Variants in SERAC1 observed in about 807,000 individuals in gnomAD.
SERAC1 encodes the protein serine active site containing 1, also known as protein SERAC1.
A neutral mutation model predicts 85.7 loss-of-function variants in SERAC1; 36 were observed. The observed-to-expected ratio is 0.42, with a 90% CI of 0.32 to 0.55. The LOEUF is 0.55. Ranked by LOEUF, SERAC1 falls within the 20% of genes least tolerant of loss-of-function variation. The pLI is 0.11. For synonymous variants in SERAC1, 242 were observed against 265.3 expected (o/e 0.91, Z 0.85); for missense variants, 629 against 796.2 (o/e 0.79, Z 2.53).
intron 3 of SERAC1, among the ~76,000 whole-genome samples, chr6:158,153,998 T>C (rs200962900): frequency 7.0e-6 from 1 of 142,802 alleles, no homozygotes; most frequent in African/African-American, 2.5e-5. Flanking sequence ...ATAATAATAA[T>C]AACAATAATA....
At chr6:158,147,753 G>C (rs983725583) in intron 5 of SERAC1, among the ~76,000 whole-genome samples, 7 of 114,500 alleles carry the variant, frequency 6.1e-5, no homozygotes, top group African/African-American at 1.1e-4. Context: ...CTGGGTGACA[G>C]AGAAGGCTCT....
Position 158,120,284 on chromosome 6 carries a change from G to A in SERAC1, c.1166+141C>T. On this transcript the variant is annotated intron_variant, in intron 11 of 16. Coordinates refer to ENST00000647468, the MANE Select transcript of SERAC1 (RefSeq NM_032861.4). The surrounding 1 kb of genome is among the most constrained non-coding windows in gnomAD (Gnocchi z 4.4). Reference sequence around the variant, plus strand: ...CTCCAATTCTTTTGTGGTTACTATAGACAAATTATTTTAGTAAATAAGATA... The same window carrying A: ...CTCCAATTCTTTTGTGGTTACTATAAACAAATTATTTTAGTAAATAAGATA... 4 of 887,744 alleles carry A rather than the reference G, an allele frequency of 4.5e-6. No individual in the cohort carries two copies. Among genetic ancestry groups the A allele is most frequent in the Non-Finnish European group, 6.5e-6 (4 of 619,906 alleles). 55.0% of individuals were successfully genotyped at this position (887,744 alleles called of 1,614,324 possible). A position where few individuals can be genotyped will look rare whatever the true frequency, so the allele number is the denominator to read the frequency against.
intron 2 of SERAC1, 90 bp downstream of exon 2, chr6:158,158,183 T>G (rs991028078): frequency 6.7e-6 from 6 of 894,416 alleles, no homozygotes; most frequent in Admixed American, 2.3e-5. Context: ...TAATCATGGG[T>G]TCAAAAAGTT....
chr6:158,126,390 G>A (rs879324875), intron 10 of SERAC1, among the ~76,000 whole-genome samples: 12 of 145,180 alleles, frequency 8.3e-5, no homozygotes, highest in Non-Finnish European at 1.2e-4. Flanking sequence ...ATTAGTCAAA[G>A]CTGGAACAAT....
intron 8 of SERAC1, among the ~76,000 whole-genome samples, chr6:158,140,773 G>C (rs1053606026): frequency 1.3e-5 from 2 of 152,274 alleles, no homozygotes; most frequent in African/African-American, 4.8e-5. Flanking sequence ...AGAGATGTCA[G>C]AACTGAACTA....
chr6:158,113,617 T>G (rs189827481), intron 15 of SERAC1, 25 bp from the exon 16 acceptor site: 257 of 1,571,734 alleles, frequency 1.6e-4, no homozygotes, highest in Non-Finnish European at 2.1e-4. Context: ...AGAACAAGAC[T>G]GTGACAAGTT....
intron 14 of SERAC1, among the ~76,000 whole-genome samples, chr6:158,115,311 C>T (rs1784259150): frequency 6.6e-6 from 1 of 152,220 alleles, no homozygotes; most frequent in Non-Finnish European, 1.5e-5. Flanking sequence ...GCTGGTCTCT[C>T]AGCCTGCTAT....
intron 8 of SERAC1, among the ~76,000 whole-genome samples, chr6:158,131,373 C>A (rs12180435): frequency 6.9e-6 from 1 of 144,118 alleles, no homozygotes. Flanking sequence ...ATATTTATAT[C>A]TATATATTAT....
intron 10 of SERAC1, among the ~76,000 whole-genome samples, chr6:158,123,519 A>AC (rs1238042426): frequency 6.6e-6 from 1 of 152,244 alleles, no homozygotes; most frequent in Non-Finnish European, 1.5e-5. Flanking sequence ...GGTTTAAGGA[A>AC]CACGTAGAAG....
Position 158,117,201 on chromosome 6 carries a change from G to A in SERAC1, c.1403+526C>T. ...TTTAGACCAACTCTGTCAATCTGTA[G>A]ACAAAGCTTCCCGGAAAAGTTAACT... On this transcript the variant is annotated intron_variant, in intron 13 of 16. Transcript: ENST00000647468. This position sits in a 1 kb window ranked among gnomAD's most constrained non-coding sequence, Gnocchi z 4.3. The A allele has an allele frequency of 7.3e-6, 2 of 273,706 alleles. No individual in the cohort carries two copies. The highest frequency in any genetic ancestry group is 1.4e-5 in the Non-Finnish European group (2 of 144,798). The allele number at this position is 273,706 out of a possible 1,614,324, so 17.0% of individuals were successfully genotyped here. A position where few individuals can be genotyped will look rare whatever the true frequency, so the allele number is the denominator to read the frequency against.
intron 6 of SERAC1, among the ~76,000 whole-genome samples, chr6:158,144,705 T>C (rs1377175555): frequency 6.6e-6 from 1 of 152,236 alleles, no homozygotes; most frequent in Non-Finnish European, 1.5e-5. Context: ...AGAACCAATT[T>C]AACTTCTTTT....
intron 10 of SERAC1, among the ~76,000 whole-genome samples, chr6:158,124,147 A>AT (rs199648329): frequency 0.019 from 2,929 of 151,300 alleles, 54 homozygotes; most frequent in Non-Finnish European, 0.03. Flanking sequence ...GAGAAGAGTC[A>AT]TTTTTTTTTC....
rs140726301 is a variant in SERAC1 at position 158,125,478 on chromosome 6, C to G, written c.1015+2630G>C. On this transcript the variant is annotated intron_variant, in intron 10 of 16. Coordinates refer to ENST00000647468, the MANE Select transcript of SERAC1 (RefSeq NM_032861.4). ...AACTTCCCAGCCTCCAGAACTGAGA[C>G]ACAATAAATCTGTTATTTATAAATT... is the stretch of plus-strand genomic sequence containing the variant. 3.9e-3 allele frequency among the ~76,000 whole-genome samples: 593 copies of G among 152,240 alleles called. 6 individuals are homozygous for G. Among genetic ancestry groups the G allele is most frequent in the African/African-American group, 0.014 (568 of 41,528 alleles).
chr6:158,166,862 C>T (rs73794532), intron 1 of SERAC1, among the ~76,000 whole-genome samples: 2,502 of 152,142 alleles, frequency 0.016, 80 homozygotes, highest in African/African-American at 0.057. Flanking sequence ...AAAATAACCC[C>T]TCTAGTCACT....
rs771797541 is a variant in SERAC1 at position 158,165,407 on chromosome 6, G to A, written c.-2+2733C>T. Among the ~76,000 whole-genome samples, 67 of 152,092 alleles carry A rather than the reference G, an allele frequency of 4.4e-4. 1 individual carries two copies. Among genetic ancestry groups the A allele is most frequent in the Admixed American group, 2.6e-4 (4 of 15,266 alleles). On this transcript the variant is annotated intron_variant, in intron 1 of 16. Coordinates refer to ENST00000647468, the MANE Select transcript of SERAC1 (RefSeq NM_032861.4). ...CCTGACCTCGTGATCCACCCGCCTC[G>A]GCCTACCAAAGTGCTGGGATTACAA...
At chr6:158,126,531 T>C (rs1002463674) in intron 10 of SERAC1, among the ~76,000 whole-genome samples, 4 of 152,068 alleles carry the variant, frequency 2.6e-5, no homozygotes, top group Admixed American at 2.6e-4. Context: ...TTGCTTCCAG[T>C]AGAATGCCAA....
chr6:158,164,260 G>A (rs938478606), intron 1 of SERAC1, among the ~76,000 whole-genome samples: 1 of 151,822 alleles, frequency 6.6e-6, no homozygotes, highest in African/African-American at 2.4e-5. Flanking sequence ...AGGATCACGA[G>A]GTCAGGAGAT....
At chr6:158,143,341 CTCTCTCTATATATATATATA>C (rs1270704842) in intron 7 of SERAC1, among the ~76,000 whole-genome samples, 157 bp from the exon 8 acceptor site, 52 of 26,128 alleles carry the variant, frequency 2.0e-3, no homozygotes, top group African/African-American at 3.8e-3. Flanking sequence ...CTCTCTCTCT[CTCTCTCTATATATATATATA>C]TATATATATA....
At chr6:158,159,734 C>A (rs898103115) in intron 1 of SERAC1, among the ~76,000 whole-genome samples, 2 of 151,576 alleles carry the variant, frequency 1.3e-5, no homozygotes, top group Non-Finnish European at 2.9e-5. Flanking sequence ...AAGCAATCCT[C>A]CCACCTCAGC....
Sources: gnomAD v4.1 joint callset for allele counts (sites outside exome capture counted in the v4.1 genomes callset) on GRCh38, gnomAD v4.1.1 for gene constraint, Gnocchi (gnomAD v3.1) non-coding constraint, MANE v1.5 for transcripts, NCBI Gene and HGNC (gene_info 2026-07-23, HGNC 2026-07-21) for gene names.